Variants in SLC71A2 observed in about 807,000 individuals in gnomAD.
SLC71A2 encodes the protein solute carrier family 71 member 2, also known as hippocampus abundant transcript-like 1.
chr9:94,459,156 A>C, the SLC71A2 span: 1 of 1,612,046 alleles, frequency 6.2e-7, no homozygotes, highest in Non-Finnish European at 8.5e-7. Context: ...TTCCACGTTC[A>C]ACAGGGAGCT....
At chr9:94,432,600 C>G in the SLC71A2 span, 2 of 170,558 alleles carry the variant, frequency 1.2e-5, no homozygotes, top group African/African-American at 2.4e-5. Context: ...GTGTCCAGCA[C>G]CAGGCCATGG....
At chr9:94,416,684 G>A in the SLC71A2 span, among the ~76,000 whole-genome samples, 1 of 152,014 alleles carries the variant, frequency 6.6e-6, no homozygotes, top group Non-Finnish European at 1.5e-5. Flanking sequence ...GAGAAACCCT[G>A]TCTCTACTAA....
At chr9:94,445,065 G>A in the SLC71A2 span, 12 of 1,614,026 alleles carry the variant, frequency 7.4e-6, no homozygotes, top group Non-Finnish European at 9.3e-6. Flanking sequence ...TGGCCACAGT[G>A]GTGGCTCTTC....
the SLC71A2 span, chr9:94,456,338 G>A: frequency 1.9e-6 from 3 of 1,612,608 alleles, no homozygotes; most frequent in Non-Finnish European, 2.5e-6. Context: ...GATCAGCAAG[G>A]TGAGGTCACT....
chr9:94,376,406 AC>A, the SLC71A2 span, among the ~76,000 whole-genome samples: 1 of 151,786 alleles, frequency 6.6e-6, no homozygotes, highest in Non-Finnish European at 1.5e-5. Context: ...CTCTTTCAAG[AC>A]CCTTGCTCAC....
At chr9:94,401,168 A>G in the SLC71A2 span, among the ~76,000 whole-genome samples, 4 of 151,470 alleles carry the variant, frequency 2.6e-5, no homozygotes, top group African/African-American at 7.3e-5. Context: ...AACACAGGCT[A>G]ATTTTTTTGT....
chr9:94,413,735 A>G, the SLC71A2 span, among the ~76,000 whole-genome samples: 4 of 151,786 alleles, frequency 2.6e-5, no homozygotes, highest in Non-Finnish European at 5.9e-5. Flanking sequence ...ATTTATTACA[A>G]TTCTTTGGGT....
At chr9:94,459,539 TACC>T in the SLC71A2 span, 1 of 864,818 alleles carries the variant, frequency 1.2e-6, no homozygotes, top group African/African-American at 1.7e-5. Context: ...GTTTGATAAA[TACC>T]ACCGCCATCA....
At chr9:94,406,066 A>ATTTTT in the SLC71A2 span, among the ~76,000 whole-genome samples, 30,308 of 63,670 alleles carry the variant, frequency 0.48, 9,697 homozygotes, top group East Asian at 0.65. Context: ...TGCAACTTGA[A>ATTTTT]TTTTTTTTTT....
the SLC71A2 span, chr9:94,444,985 A>G: frequency 6.2e-7 from 1 of 1,614,042 alleles, no homozygotes; most frequent in Non-Finnish European, 8.5e-7. Context: ...CTTTGCGGCT[A>G]GTCTTGTCAG....
At chr9:94,429,879 A>G in the SLC71A2 span, among the ~76,000 whole-genome samples, 1 of 151,558 alleles carries the variant, frequency 6.6e-6, no homozygotes, top group Non-Finnish European at 1.5e-5. Context: ...CATTCTATTG[A>G]TAGCATTCTT....
chr9:94,451,380 ATTG>A, the SLC71A2 span: 5 of 721,696 alleles, frequency 6.9e-6, no homozygotes, highest in Admixed American at 1.9e-4. Flanking sequence ...TAGACTTATC[ATTG>A]TAATAGAACA....
At chr9:94,415,385 G>T in the SLC71A2 span, 98 of 563,794 alleles carry the variant, frequency 1.7e-4, no homozygotes, top group South Asian at 5.1e-4. Flanking sequence ...TTGTTTCATT[G>T]TTTTTTTTTT....
At chr9:94,426,838 T>A in the SLC71A2 span, among the ~76,000 whole-genome samples, 18 of 152,184 alleles carry the variant, frequency 1.2e-4, no homozygotes, top group South Asian at 4.1e-4. Context: ...ATTTATTTAT[T>A]TAGATAGATA....
chr9:94,382,465 A>G, the SLC71A2 span, among the ~76,000 whole-genome samples: 1 of 152,066 alleles, frequency 6.6e-6, no homozygotes, highest in South Asian at 2.1e-4. Flanking sequence ...TTGGGATGCA[A>G]GTCCCTCGTC....
chr9:94,421,560 T>C, the SLC71A2 span, among the ~76,000 whole-genome samples: 2 of 152,206 alleles, frequency 1.3e-5, no homozygotes, highest in East Asian at 1.9e-4. Flanking sequence ...TAACCACATA[T>C]GATTTTCTGT....
chr9:94,458,561 T>C, the SLC71A2 span: 2 of 1,181,162 alleles, frequency 1.7e-6, no homozygotes, highest in Non-Finnish European at 2.5e-6. Context: ...TTCTTGTATG[T>C]TACTATATTT....
At chr9:94,449,369 A>T in the SLC71A2 span, among the ~76,000 whole-genome samples, 1 of 152,226 alleles carries the variant, frequency 6.6e-6, no homozygotes, top group East Asian at 1.9e-4. Flanking sequence ...TAGAACTCTT[A>T]TAATAAAAGA....
the SLC71A2 span, among the ~76,000 whole-genome samples, chr9:94,434,456 A>G: frequency 6.6e-6 from 1 of 152,306 alleles, no homozygotes; most frequent in East Asian, 1.9e-4. Flanking sequence ...AGCTGAGATT[A>G]CAGGCACACA....
Sources: allele counts gnomAD v4.1 joint callset (sites outside exome capture counted in the v4.1 genomes callset), GRCh38; gene constraint gnomAD v4.1.1; transcripts MANE v1.5; gene names NCBI Gene and HGNC (gene_info 2026-07-23, HGNC 2026-07-21).